Variants in CELF1 observed in about 807,000 individuals in gnomAD.
The protein encoded by CELF1 is 50 kDa nuclear polyadenylated RNA-binding protein.
Under a neutral mutation model 61.8 loss-of-function variants are expected in CELF1, and 10 were observed. The observed-to-expected ratio is 0.16, with a 90% confidence interval of 0.10 to 0.27. CELF1 has a LOEUF of 0.27. Among genes scored for constraint, CELF1 ranks in the 10% least tolerant of loss-of-function variants. The probability of loss-of-function intolerance (pLI) is 1.00; values close to 1 mark genes in which losing one functional copy is unlikely to be tolerated. For missense variants in CELF1, 380 were observed against 639.1 expected (o/e 0.59, Z 4.37); for synonymous variants, 236 against 225.1 (o/e 1.05, Z -0.43).
At position 47,488,844 on chromosome 11, in the gene CELF1, C is replaced by G; in HGVS notation, c.252G>C (p.Gln84His). 1.9e-6 allele frequency: 3 copies of G among 1,549,546 alleles called. No individual in the cohort carries two copies. Among genetic ancestry groups the G allele is most frequent in the Non-Finnish European group, 2.6e-6 (3 of 1,149,490 alleles). Residue 84 changes from glutamine to histidine, a missense_variant, in exon 4 of 15, where the codon CAG becomes CAC. Physicochemically the swap from Gln to His is conservative, Grantham distance 24. Coordinates refer to ENST00000687097, the MANE Select transcript of CELF1 (RefSeq NM_001376376.1). ...VLRDRSQNPP[Q>H]SKGCCFVTFY... ...AAAACCCAAAGCCCTAACCTTTGCT[C>G]TGAGGCGGGTTTTGGCTCCTATCCC...
At chr11:47,524,320 C>T (rs1039698187) in intron 1 of CELF1, among the ~76,000 whole-genome samples, 1 of 152,040 alleles carries the variant, frequency 6.6e-6, no homozygotes, top group Admixed American at 6.6e-5. Context: ...AAAAACACTA[C>T]CACTTCAACA....
intron 1 of CELF1, among the ~76,000 whole-genome samples, chr11:47,536,612 A>T (rs1256639403): frequency 6.6e-6 from 1 of 152,196 alleles, no homozygotes; most frequent in Non-Finnish European, 1.5e-5. Context: ...AAAAAATACA[A>T]AAATTACCTG....
intron 1 of CELF1, among the ~76,000 whole-genome samples, chr11:47,508,204 A>G (rs1188057761): frequency 6.6e-6 from 1 of 152,240 alleles, no homozygotes; most frequent in Non-Finnish European, 1.5e-5. Context: ...CACAGATGGT[A>G]GACAGCAAGT....
intron 1 of CELF1, among the ~76,000 whole-genome samples, chr11:47,519,938 T>A (rs1597771674): frequency 6.6e-6 from 1 of 150,716 alleles, no homozygotes; most frequent in South Asian, 2.1e-4. Context: ...AAATCACTCC[T>A]AAAAAAACTC....
At chr11:47,553,197 G>T (rs1454072383), upstream of CELF1, 4 of 391,150 alleles carry the variant, frequency 1.0e-5, no homozygotes, top group African/African-American at 2.1e-5. Context: ...GGGGGAGCGC[G>T]GCGAGGGGGA....
rs561900704 is a variant in CELF1, at chr11:47,489,935, G to GTTTTTTTTTTTTT, written c.72-924_72-912dup. Among the ~76,000 whole-genome samples the GTTTTTTTTTTTTT allele has an allele frequency of 5.5e-3, 267 of 48,226 alleles. 83 individuals carry two copies. Among genetic ancestry groups the GTTTTTTTTTTTTT allele is most frequent in the African/African-American group, 0.013 (166 of 12,858 alleles). The allele number at this position is 48,226 out of a possible 152,430, so 31.6% of individuals were successfully genotyped here. On this transcript the variant is annotated intron_variant, in intron 3 of 14. Coordinates refer to ENST00000687097, the MANE Select transcript of CELF1 (RefSeq NM_001376376.1). ...GTTTCCACTCAGAACATACCATCTTGTTTTTTTTTTTTTTTTTTTTGAGAC... is the reference window on the plus strand; with the variant it reads ...GTTTCCACTCAGAACATACCATCTTGTTTTTTTTTTTTTTTTTTTTTTTTTTTTTTTTTGAGAC...
chr11:47,470,879 T>G lies in CELF1; in HGVS notation c.*1351A>C, dbSNP rs1480784525. The G allele has an allele frequency of 6.6e-6, 1 of 152,170 alleles. No homozygotes were observed. The highest frequency in any genetic ancestry group is 1.5e-5 in the Non-Finnish European group (1 of 68,078). The allele number at this position is 152,170 out of a possible 1,614,324, so 9.4% of individuals were successfully genotyped here. On this transcript the variant is annotated 3_prime_UTR_variant, in exon 15 of 15. Coordinates refer to ENST00000687097, the MANE Select transcript of CELF1 (RefSeq NM_001376376.1). ...AGCTGTGTGGGTCACAGGCAAGAGC[T>G]GAAGTAAGACCTGCAAGAGGCGGCA...
chr11:47,485,002 T>G (rs2085823974), intron 6 of CELF1, among the ~76,000 whole-genome samples: 1 of 152,182 alleles, frequency 6.6e-6, no homozygotes, highest in African/African-American at 2.4e-5. Flanking sequence ...ATAACCAATG[T>G]TATCTTAAAA....
chr11:47,553,910 T>TTTGTTG (rs746699280), upstream of CELF1, among the ~76,000 whole-genome samples: 17 of 151,736 alleles, frequency 1.1e-4, no homozygotes, highest in Admixed American at 7.9e-4. Flanking sequence ...AGCAGTACAA[T>TTTGTTG]TTGTTGTTGT....
chr11:47,549,637 G>A (rs2097082357), intron 1 of CELF1, among the ~76,000 whole-genome samples: 1 of 152,112 alleles, frequency 6.6e-6, no homozygotes, highest in Admixed American at 6.6e-5. Flanking sequence ...GGTAGAAACA[G>A]AAATAATGGT....
Position 47,500,886 on chromosome 11 carries a change from T to A in CELF1, c.-107A>T. ...CTCAAAGATTTCACTTCACCCAAGC[T>A]CAGTTCACAACACAGGGAACTTTGA... On this transcript the variant is annotated 5_prime_UTR_variant, in exon 2 of 15. Coordinates refer to ENST00000687097, the MANE Select transcript of CELF1 (RefSeq NM_001376376.1). The A allele has an allele frequency of 2.5e-6, 1 of 398,158 alleles. No individual in the cohort carries two copies. The allele number at this position is 398,158 out of a possible 1,614,324, so 24.7% of individuals were successfully genotyped here. A position where few individuals can be genotyped will look rare whatever the true frequency, so the allele number is the denominator to read the frequency against.
At chr11:47,527,160 C>T (rs2096274218) in intron 1 of CELF1, among the ~76,000 whole-genome samples, 1 of 151,934 alleles carries the variant, frequency 6.6e-6, no homozygotes, top group African/African-American at 2.4e-5. Flanking sequence ...ATAAAACAGA[C>T]ATGCAAGTAT....
chr11:47,480,429 T>C (rs1193728033), intron 9 of CELF1, among the ~76,000 whole-genome samples: 1 of 152,152 alleles, frequency 6.6e-6, no homozygotes, highest in Non-Finnish European at 1.5e-5. Flanking sequence ...CAGTCCTAAC[T>C]GGTGGACGGT....
chr11:47,479,352 C>G (rs1565758687), intron 9 of CELF1, among the ~76,000 whole-genome samples: 1 of 152,216 alleles, frequency 6.6e-6, no homozygotes, highest in Non-Finnish European at 1.5e-5. Flanking sequence ...GTTAGGTCCA[C>G]ACATCTCACT....
At chr11:47,509,604 T>C (rs963409997) in intron 1 of CELF1, among the ~76,000 whole-genome samples, 1 of 151,972 alleles carries the variant, frequency 6.6e-6, no homozygotes, top group Admixed American at 6.6e-5. Context: ...AAAAAAAATG[T>C]AGGGAACAGC....
rs553622425 is a variant in CELF1 at position 47,483,176 on chromosome 11, G to A, written c.606+277C>T. Among the ~76,000 whole-genome samples the A allele has an allele frequency of 9.9e-5, 15 of 152,174 alleles. No individual in the cohort carries two copies. In the East Asian group the frequency reaches 2.9e-3, roughly 29 times the overall value. ...CTACTTGAGTGGCAGAGGTAGGGGG[G>A]ATCACTTGAGCCTGGGTGGTTGGGG... On this transcript the variant is annotated intron_variant, in intron 8 of 14. Coordinates refer to ENST00000687097, the MANE Select transcript of CELF1 (RefSeq NM_001376376.1).
intron 1 of CELF1, among the ~76,000 whole-genome samples, chr11:47,526,609 T>G (rs142071498): frequency 0.016 from 2,427 of 152,358 alleles, 50 homozygotes; most frequent in African/African-American, 0.048. Context: ...TTCTTCCATC[T>G]GAGACATTTC....
chr11:47,530,427 A>G (rs1032684729), intron 1 of CELF1, among the ~76,000 whole-genome samples: 26 of 152,236 alleles, frequency 1.7e-4, no homozygotes, highest in Admixed American at 1.7e-3. Flanking sequence ...CTGAGGACAT[A>G]TATCAAGATA....
At chr11:47,546,599 T>C (rs2096957961) in intron 1 of CELF1, among the ~76,000 whole-genome samples, 1 of 152,164 alleles carries the variant, frequency 6.6e-6, no homozygotes, top group African/African-American at 2.4e-5. Context: ...CCTGAAAGTA[T>C]TATTCTAACT....
Sources: allele counts gnomAD v4.1 joint callset (sites outside exome capture counted in the v4.1 genomes callset), GRCh38; gene constraint gnomAD v4.1.1; transcripts MANE v1.5; gene names NCBI Gene and HGNC (gene_info 2026-07-23, HGNC 2026-07-21).